The following LY6S variants were observed in gnomAD, a reference collection of about 807,000 sequenced individuals.
LY6S encodes lymphocyte antigen 6S.
At chr8:143,051,507 C>T in the LY6S span, among the ~76,000 whole-genome samples, 1 of 151,780 alleles carries the variant, frequency 6.6e-6, no homozygotes, top group African/African-American at 2.4e-5. Context: ...CACCATTGCA[C>T]TCCAGCCTGG....
At chr8:143,055,229 TAA>T in the LY6S span, among the ~76,000 whole-genome samples, 1 of 152,172 alleles carries the variant, frequency 6.6e-6, no homozygotes, top group Admixed American at 6.5e-5. Flanking sequence ...TTTTCTGTTT[TAA>T]GATCATTTAT....
the LY6S span, among the ~76,000 whole-genome samples, chr8:143,061,505 G>T: frequency 3.6e-3 from 361 of 101,580 alleles, no homozygotes; most frequent in African/African-American, 9.0e-3. Context: ...TGTTTGTTTG[G>T]TTGGTTGGTT....
the LY6S span, among the ~76,000 whole-genome samples, chr8:143,075,092 CA>C: frequency 6.6e-6 from 1 of 152,160 alleles, no homozygotes; most frequent in South Asian, 2.1e-4. This position sits in a 1 kb window ranked among gnomAD's most constrained non-coding sequence, Gnocchi z 4.1. Context: ...AGTTATTTGT[CA>C]TTATGACTCA....
At chr8:143,057,606 C>G in the LY6S span, 1 of 1,294,000 alleles carries the variant, frequency 7.7e-7, no homozygotes, top group Non-Finnish European at 1.1e-6. Context: ...ATGAGAGGGT[C>G]CCCAGTCAGG....
At chr8:143,050,093 G>A in the LY6S span, among the ~76,000 whole-genome samples, 1 of 152,102 alleles carries the variant, frequency 6.6e-6, no homozygotes, top group African/African-American at 2.4e-5. Flanking sequence ...CAAAGCAGCT[G>A]GACTCTGCGC....
chr8:143,069,965 A>G, the LY6S span, among the ~76,000 whole-genome samples: 1 of 152,036 alleles, frequency 6.6e-6, no homozygotes, highest in East Asian at 1.9e-4. Flanking sequence ...GCAGTGCACT[A>G]GTCAGCTCCT....
At chr8:143,075,847 A>G in the LY6S span, among the ~76,000 whole-genome samples, 1 of 152,190 alleles carries the variant, frequency 6.6e-6, no homozygotes, top group Non-Finnish European at 1.5e-5. The surrounding 1 kb of genome is among the most constrained non-coding windows in gnomAD (Gnocchi z 4.1). Flanking sequence ...TTAATTTCCA[A>G]TATGACTTCT....
the LY6S span, among the ~76,000 whole-genome samples, chr8:143,073,119 G>A: frequency 3.3e-5 from 4 of 121,406 alleles, no homozygotes; most frequent in Middle Eastern, 5.6e-3. Context: ...GGAGACAGCC[G>A]TCGTCCTCGG....
the LY6S span, among the ~76,000 whole-genome samples, chr8:143,061,146 C>T: frequency 6.6e-6 from 1 of 151,916 alleles, no homozygotes; most frequent in Non-Finnish European, 1.5e-5. Flanking sequence ...AGGACACAGG[C>T]CAGACATGGT....
chr8:143,061,385 A>G, the LY6S span, among the ~76,000 whole-genome samples: 1 of 152,272 alleles, frequency 6.6e-6, no homozygotes, highest in Non-Finnish European at 1.5e-5. Context: ...ACACAACACG[A>G]CAATATTTTA....
the LY6S span, among the ~76,000 whole-genome samples, chr8:143,075,353 GAA>G: frequency 6.6e-6 from 1 of 152,168 alleles, no homozygotes; most frequent in East Asian, 1.9e-4. The surrounding 1 kb of genome is among the most constrained non-coding windows in gnomAD (Gnocchi z 4.1). Flanking sequence ...GATCACCTAA[GAA>G]AAAAGTCTCC....
At chr8:143,045,087 A>T in the LY6S span, among the ~76,000 whole-genome samples, 3 of 152,158 alleles carry the variant, frequency 2.0e-5, no homozygotes, top group African/African-American at 4.8e-5. This position sits in a 1 kb window ranked among gnomAD's most constrained non-coding sequence, Gnocchi z 5.3. Context: ...GGAAGTGAGC[A>T]CAGCCAGCAC....
chr8:143,048,079 A>C, the LY6S span: 2 of 152,018 alleles, frequency 1.3e-5, no homozygotes, highest in Non-Finnish European at 2.9e-5. Context: ...TGGTGCTGTG[A>C]CTCGGATGGA....
the LY6S span, among the ~76,000 whole-genome samples, chr8:143,055,492 AG>A: frequency 6.6e-6 from 1 of 152,212 alleles, no homozygotes; most frequent in Non-Finnish European, 1.5e-5. Context: ...TAAAGAATGA[AG>A]TGTTTACTGT....
chr8:143,041,507 G>A, the LY6S span, among the ~76,000 whole-genome samples: 1 of 152,076 alleles, frequency 6.6e-6, no homozygotes, highest in Admixed American at 6.6e-5. Flanking sequence ...CACATGCTCT[G>A]CAAACAATTT....
At chr8:143,070,755 G>A in the LY6S span, among the ~76,000 whole-genome samples, 2 of 151,806 alleles carry the variant, frequency 1.3e-5, no homozygotes, top group African/African-American at 2.4e-5. Flanking sequence ...AAAGTGCTGG[G>A]ATTACAGGCG....
At chr8:143,044,693 C>T in the LY6S span, 1,413 of 1,367,494 alleles carry the variant, frequency 1.0e-3, 22 homozygotes, top group South Asian at 0.012. Flanking sequence ...CTGCCAAAGA[C>T]GCTCACTTTC....
chr8:143,045,655 C>CT, the LY6S span, among the ~76,000 whole-genome samples: 1 of 152,166 alleles, frequency 6.6e-6, no homozygotes, highest in Non-Finnish European at 1.5e-5. The surrounding 1 kb of genome is among the most constrained non-coding windows in gnomAD (Gnocchi z 5.3). Flanking sequence ...CCCCTCCTCA[C>CT]TTTCCTCCCT....
the LY6S span, chr8:143,057,630 CA>C: frequency 1.8e-6 from 2 of 1,119,754 alleles, no homozygotes; most frequent in Non-Finnish European, 2.7e-6. Flanking sequence ...TCAATGCCCA[CA>C]GTTTTGGGAG....
Sources: allele counts gnomAD v4.1 joint callset (sites outside exome capture counted in the v4.1 genomes callset), GRCh38; gene constraint gnomAD v4.1.1; non-coding constraint Gnocchi (gnomAD v3.1); transcripts MANE v1.5; gene names NCBI Gene and HGNC (gene_info 2026-07-23, HGNC 2026-07-21).